Variants in TTBK2 observed in about 807,000 individuals in gnomAD.
TTBK2 encodes tau-tubulin kinase 2.
A neutral mutation model predicts 110.8 loss-of-function variants in TTBK2; 28 were observed. The ratio of observed to expected loss-of-function variants is 0.25; its 90% CI spans 0.19 to 0.35. The LOEUF (loss-of-function observed/expected upper bound fraction) is 0.35, where lower values mean the gene tolerates loss of function less well. Ranked by LOEUF, TTBK2 falls within the 10% of genes least tolerant of loss-of-function variation. The pLI is 1.00. For synonymous variants in TTBK2, 532 were observed against 527.3 expected, an observed-to-expected ratio of 1.01 and a Z score of -0.12; for missense variants, 1,369 against 1,500.3, an observed-to-expected ratio of 0.91 and a Z score of 1.45.
At chr15:42,824,720 T>C (rs1333259586) in intron 6 of TTBK2, among the ~76,000 whole-genome samples, 1 of 151,932 alleles carries the variant, frequency 6.6e-6, no homozygotes, top group Non-Finnish European at 1.5e-5. Context: ...TACTTCAGGA[T>C]GGAGGGTGGG....
At chr15:42,799,495 G>A (rs562350522) in intron 9 of TTBK2, among the ~76,000 whole-genome samples, 4 of 152,210 alleles carry the variant, frequency 2.6e-5, no homozygotes, top group African/African-American at 9.6e-5. Context: ...GTGCAGTGGT[G>A]TGATCTCAGC....
Position 42,813,697 on chromosome 15 carries a change from T to A in TTBK2, c.604-1917A>T, listed in dbSNP as rs555703808. Among the ~76,000 whole-genome samples the A allele has an allele frequency of 1.2e-3, 184 of 151,562 alleles. 2 individuals carry two copies. The highest frequency in any genetic ancestry group is 4.3e-3 in the African/African-American group (179 of 41,330). On this transcript the variant is annotated intron_variant, in intron 7 of 14. Coordinates refer to ENST00000267890, the MANE Select transcript of TTBK2 (RefSeq NM_173500.4). Reference sequence around the variant, plus strand: ...CCGTCTCTATTAAAAAATAAAAAAATTAGCTGGGCGTGGCAGCATATGCCT... The same window carrying A: ...CCGTCTCTATTAAAAAATAAAAAAAATAGCTGGGCGTGGCAGCATATGCCT...
intron 14 of TTBK2, among the ~76,000 whole-genome samples, chr15:42,751,089 G>A (rs568570205): frequency 6.6e-6 from 1 of 152,262 alleles, no homozygotes; most frequent in East Asian, 1.9e-4. Context: ...AGTCCTGTAG[G>A]TTGAAATGAA....
At position 42,752,618 on chromosome 15, in the gene TTBK2, A is replaced by AT. The variant is rs1373884363; in HGVS notation, c.2627dup (p.Asn876LysfsTer2). 1 of 1,613,912 alleles carries AT rather than the reference A, an allele frequency of 6.2e-7. No individual in the cohort carries two copies. The highest frequency in any genetic ancestry group is 2.2e-5 in the East Asian group (1 of 44,862). On this transcript the variant is annotated frameshift_variant, in exon 14 of 15. Coordinates refer to ENST00000267890, the MANE Select transcript of TTBK2 (RefSeq NM_173500.4). LOFTEE classifies it high-confidence loss of function. Reference sequence around the variant, plus strand: ...TGATGTCATCATCCTTAGATATCTTATTTTTTTGCATTTCTGCCACTTGGC... The same window carrying AT: ...TGATGTCATCATCCTTAGATATCTTATTTTTTTTGCATTTCTGCCACTTGGC...
chr15:42,784,369 T>G (rs1009063049), intron 10 of TTBK2, among the ~76,000 whole-genome samples: 1 of 151,968 alleles, frequency 6.6e-6, no homozygotes, highest in East Asian at 1.9e-4. Context: ...CCTCCACCTC[T>G]CGGATTCAAG....
chr15:42,829,932 C>T lies in TTBK2; in HGVS notation c.432+6G>A. On this transcript the variant is annotated splice_donor_region_variant and intron_variant, in intron 5 of 14. Coordinates refer to ENST00000267890, the MANE Select transcript of TTBK2 (RefSeq NM_173500.4). ...ATTCTGTGCTCTGGATAGAAAAGGT[C>T]CCTACCGGTTTGATGTCTCGATGCA... The T allele has an allele frequency of 6.2e-7, 1 of 1,613,924 alleles. No individual in the cohort carries two copies. Among genetic ancestry groups the T allele is most frequent in the Non-Finnish European group, 8.5e-7 (1 of 1,179,968 alleles).
chr15:42,763,106 A>ATATATATATACACG (rs1567008455), intron 13 of TTBK2, among the ~76,000 whole-genome samples: 27 of 113,516 alleles, frequency 2.4e-4, no homozygotes, highest in African/African-American at 1.1e-3. Flanking sequence ...ATATATACGT[A>ATATATATATACACG]TATATATATA....
At chr15:42,797,341 T>C (rs1890989343) in intron 9 of TTBK2, among the ~76,000 whole-genome samples, 2 of 152,224 alleles carry the variant, frequency 1.3e-5, no homozygotes, top group Non-Finnish European at 1.5e-5. Flanking sequence ...TCTTAGAAAA[T>C]GTATTCTATG....
intron 6 of TTBK2, 113 bp from the exon 7 acceptor site, chr15:42,817,210 C>A: frequency 1.7e-6 from 1 of 602,464 alleles, no homozygotes; most frequent in Non-Finnish European, 2.5e-6. Context: ...CACAATAAAA[C>A]ACTATTTAAT....
intron 10 of TTBK2, among the ~76,000 whole-genome samples, chr15:42,791,088 T>C (rs147323330): frequency 0.018 from 2,788 of 152,178 alleles, 33 homozygotes; most frequent in Admixed American, 0.036. Flanking sequence ...GGGGTTTCAC[T>C]GTGTTAGCCA....
At position 42,830,065 on chromosome 15, in the gene TTBK2, G is replaced by A. The variant is rs764777972; in HGVS notation, c.305C>T (p.Ala102Val). Residue 102 changes from alanine to valine, a missense_variant, in exon 5 of 15, where the codon GCA (alanine) becomes GTA (valine). Ala to Val is a moderately conservative substitution (Grantham distance 64). Around this residue, in one of 4 missense-constraint regions of TTBK2, gnomAD observed 122 missense variants for 159.7 expected, o/e 0.76. Coordinates refer to ENST00000267890, the MANE Select transcript of TTBK2 (RefSeq NM_173500.4). ...VVMQLQGRNL[A>V]DLRRSQSRGT... ...TCGGGACTGGCTACGGCGAAGATCT[G>A]CCAGATTCCGACCCTATGGAAATCA... is the stretch of plus-strand genomic sequence containing the variant. 25 of 1,613,970 alleles carry A rather than the reference G, an allele frequency of 1.5e-5. No individual in the cohort carries two copies. Among genetic ancestry groups the A allele is most frequent in the Middle Eastern group, 1.6e-4 (1 of 6,084 alleles).
At chr15:42,776,546 ATC>A (rs1292932556) in intron 12 of TTBK2, among the ~76,000 whole-genome samples, 1 of 152,336 alleles carries the variant, frequency 6.6e-6, no homozygotes, top group East Asian at 1.9e-4. Flanking sequence ...ACTTATTGGT[ATC>A]TGTTTTCCCA....
chr15:42,806,772 C>T (rs576490943), intron 9 of TTBK2, among the ~76,000 whole-genome samples: 50 of 152,166 alleles, frequency 3.3e-4, no homozygotes, highest in African/African-American at 1.1e-3. Context: ...TGTGACCCAA[C>T]ACAAATTTGT....
chr15:42,872,667 G>A lies in TTBK2; in HGVS notation c.161C>T (p.Ala54Val). ...RENVALKVES[A>V]QQPKQVLKME... is the part of the protein sequence containing the mutation. ...TTTCAGAACTTGTTTTGGTTGTTGA[G>A]CTGATTCCACCTTCAGTGCAACATT... Residue 54 changes from alanine (A) to valine (V), a missense_variant, in exon 3 of 15, where the codon GCT becomes GTT. Around this residue, in one of 4 missense-constraint regions of TTBK2, gnomAD observed 122 missense variants for 159.7 expected, o/e 0.76. Coordinates refer to ENST00000267890, the MANE Select transcript of TTBK2 (RefSeq NM_173500.4). 1.2e-6 allele frequency: 2 copies of A among 1,614,072 alleles called. No individual in the cohort carries two copies. Among genetic ancestry groups the A allele is most frequent in the African/African-American group, 2.7e-5 (2 of 75,022 alleles).
At chr15:42,823,724 A>AT (rs1416069568) in intron 6 of TTBK2, among the ~76,000 whole-genome samples, 8 of 146,912 alleles carry the variant, frequency 5.4e-5, no homozygotes, top group East Asian at 4.0e-4. Flanking sequence ...CCTAAACATT[A>AT]TTTTTTTTGT....
chr15:42,859,807 A>G (rs1474950027), intron 3 of TTBK2, among the ~76,000 whole-genome samples: 2 of 152,206 alleles, frequency 1.3e-5, no homozygotes, highest in Non-Finnish European at 2.9e-5. Context: ...AACACTGATT[A>G]ATATGCTGAG....
At chr15:42,786,847 T>C (rs888637881) in intron 10 of TTBK2, among the ~76,000 whole-genome samples, 1 of 152,048 alleles carries the variant, frequency 6.6e-6, no homozygotes, top group African/African-American at 2.4e-5. Context: ...AAATCTTGAG[T>C]ATGCAATATG....
chr15:42,776,900 G>T, intron 12 of TTBK2, 131 bp downstream of exon 12: 1 of 904,296 alleles, frequency 1.1e-6, no homozygotes, highest in Non-Finnish European at 1.7e-6. Flanking sequence ...TAGACTCAGT[G>T]TTACAAAAAT....
intron 9 of TTBK2, among the ~76,000 whole-genome samples, chr15:42,803,739 G>A (rs188858985): frequency 6.6e-6 from 1 of 152,226 alleles, no homozygotes; most frequent in Non-Finnish European, 1.5e-5. Context: ...AGAAAAATGA[G>A]ATGATTTTAG....
Sources: gnomAD v4.1 joint callset for allele counts (sites outside exome capture counted in the v4.1 genomes callset) on GRCh38, gnomAD v4.1.1 for gene constraint, gnomAD v4.1.1 regional missense constraint, MANE v1.5 for transcripts, NCBI Gene and HGNC (gene_info 2026-07-23, HGNC 2026-07-21) for gene names.